The following PRKCH variants were observed in gnomAD, a reference collection of about 807,000 sequenced individuals.
The protein encoded by PRKCH is protein kinase C eta.
A neutral mutation model predicts 82.5 loss-of-function variants in PRKCH; 28 were observed. The ratio of observed to expected loss-of-function variants is 0.34; its 90% CI spans 0.25 to 0.47. PRKCH has a LOEUF of 0.47. PRKCH is among the 20% of genes least tolerant of loss of function. The pLI is 1.00. For missense variants in PRKCH, 705 were observed against 881.8 expected, an observed-to-expected ratio of 0.80 and a Z score of 2.54; for synonymous variants, 322 against 327.4, an observed-to-expected ratio of 0.98 and a Z score of 0.18.
intron 1 of PRKCH, among the ~76,000 whole-genome samples, chr14:61,243,016 A>G (rs2044852632): frequency 6.6e-6 from 1 of 152,184 alleles, no homozygotes; most frequent in Non-Finnish European, 1.5e-5. Context: ...TGCTTTCTCT[A>G]CAGAGAAGTC....
intron 13 of PRKCH, 146 bp downstream of exon 13, chr14:61,548,032 GA>G (rs2043281930): frequency 4.9e-6 from 5 of 1,028,656 alleles, no homozygotes; most frequent in Non-Finnish European, 7.0e-6. Flanking sequence ...CCCCTGGGGG[GA>G]ATCTGGGCTC....
chr14:61,345,415 A>C (rs2045979525), intron 1 of PRKCH, among the ~76,000 whole-genome samples: 1 of 152,216 alleles, frequency 6.6e-6, no homozygotes, highest in Admixed American at 6.5e-5. Context: ...CAGAGGCTTT[A>C]ACTTTCAACA....
At chr14:61,513,751 G>A (rs751091354) in intron 10 of PRKCH, among the ~76,000 whole-genome samples, 15 of 151,968 alleles carry the variant, frequency 9.9e-5, no homozygotes, top group African/African-American at 2.2e-4. Context: ...AAATAGTTTC[G>A]AAAAACTCTG....
At chr14:61,320,598 T>TGAACAA (rs1555375319), upstream of PRKCH, among the ~76,000 whole-genome samples, 7 of 44,214 alleles carry the variant, frequency 1.6e-4, no homozygotes, top group Non-Finnish European at 8.3e-4. Context: ...AAACTCCGTC[T>TGAACAA]CAAAAACAAC....
chr14:61,261,775 G>A (rs2045046835), intron 1 of PRKCH, among the ~76,000 whole-genome samples: 1 of 151,992 alleles, frequency 6.6e-6, no homozygotes, highest in South Asian at 2.1e-4. Context: ...AGATGTTACA[G>A]ATTTAAGGAT....
At chr14:61,430,291 A>T (rs1051575053) in intron 2 of PRKCH, among the ~76,000 whole-genome samples, 2 of 152,366 alleles carry the variant, frequency 1.3e-5, no homozygotes, top group African/African-American at 4.8e-5. Context: ...GGCTAAAATG[A>T]AAAAGACCAA....
At chr14:61,502,871 C>T (rs186380871) in intron 10 of PRKCH, among the ~76,000 whole-genome samples, 13 of 152,000 alleles carry the variant, frequency 8.6e-5, no homozygotes, top group African/African-American at 3.1e-4. Context: ...GAAATGGGGC[C>T]GAGCAGCAGA....
intron 1 of PRKCH, among the ~76,000 whole-genome samples, chr14:61,258,882 G>C (rs756562658): frequency 6.6e-6 from 1 of 152,184 alleles, no homozygotes; most frequent in African/African-American, 2.4e-5. Flanking sequence ...GGTGAAATAA[G>C]CTAATTTTTT....
intron 10 of PRKCH, among the ~76,000 whole-genome samples, chr14:61,509,253 C>A (rs114382789): frequency 3.8e-4 from 58 of 152,210 alleles, no homozygotes; most frequent in African/African-American, 1.4e-3. Flanking sequence ...GGAGAATGCC[C>A]TTCACCCTAT....
chr14:61,364,455 A>G (rs1452904292), intron 1 of PRKCH, among the ~76,000 whole-genome samples: 1 of 151,938 alleles, frequency 6.6e-6, no homozygotes, highest in Non-Finnish European at 1.5e-5. Flanking sequence ...AGATACTGAG[A>G]CTGGTCCAGG....
intron 1 of PRKCH, among the ~76,000 whole-genome samples, chr14:61,330,895 A>G (rs1315534334): frequency 6.6e-6 from 1 of 152,164 alleles, no homozygotes; most frequent in Non-Finnish European, 1.5e-5. Context: ...GCCACGTTGG[A>G]AGAAGAATTG....
chr14:61,436,271 C>T (rs954772234), intron 2 of PRKCH, among the ~76,000 whole-genome samples: 18 of 152,120 alleles, frequency 1.2e-4, no homozygotes, highest in African/African-American at 4.1e-4. Flanking sequence ...ATTTTCCTCT[C>T]CTTCTTTTGC....
intron 1 of PRKCH, among the ~76,000 whole-genome samples, chr14:61,262,983 T>C (rs1594880263): frequency 6.6e-6 from 1 of 152,234 alleles, no homozygotes; most frequent in East Asian, 1.9e-4. Context: ...GTACACAGAA[T>C]TGGATTAATC....
chr14:61,394,341 A>G (rs2140207148), intron 2 of PRKCH, among the ~76,000 whole-genome samples: 1 of 152,222 alleles, frequency 6.6e-6, no homozygotes, highest in South Asian at 2.1e-4. Flanking sequence ...TTTGCTTGGT[A>G]TCTTTTATGT....
intron 1 of PRKCH, among the ~76,000 whole-genome samples, chr14:61,211,401 T>G (rs183881264): frequency 3.0e-4 from 45 of 152,270 alleles, no homozygotes; most frequent in African/African-American, 1.1e-3. Context: ...AAAGAAATCC[T>G]TAGAAAGGCA....
intron 1 of PRKCH, among the ~76,000 whole-genome samples, chr14:61,290,084 T>G (rs1456963444): frequency 6.6e-6 from 1 of 151,910 alleles, no homozygotes; most frequent in Non-Finnish European, 1.5e-5. Flanking sequence ...ACAAGGTCAG[T>G]AGATCGAGAC....
At chr14:61,248,182 G>A (rs775672288) in intron 1 of PRKCH, among the ~76,000 whole-genome samples, 4 of 151,938 alleles carry the variant, frequency 2.6e-5, no homozygotes, top group Non-Finnish European at 5.9e-5. Flanking sequence ...TATCTTCTTG[G>A]TGTTCTCTAG....
intron 1 of PRKCH, among the ~76,000 whole-genome samples, chr14:61,338,567 T>C (rs1438797668): frequency 6.6e-6 from 1 of 152,160 alleles, no homozygotes; most frequent in Non-Finnish European, 1.5e-5. Flanking sequence ...AAAGCGAGAC[T>C]GAAACCATCA....
chr14:61,269,699 G>A (rs974767470), intron 1 of PRKCH, among the ~76,000 whole-genome samples: 2 of 152,140 alleles, frequency 1.3e-5, no homozygotes, highest in African/African-American at 4.8e-5. Context: ...TTTTTTTGCT[G>A]TCGTTTGCAT....
Sources: allele counts gnomAD v4.1 joint callset (sites outside exome capture counted in the v4.1 genomes callset), GRCh38; gene constraint gnomAD v4.1.1; transcripts MANE v1.5; gene names NCBI Gene and HGNC (gene_info 2026-07-23, HGNC 2026-07-21).